The following NAV3 variants were observed in gnomAD, a reference collection of about 807,000 sequenced individuals.
NAV3 encodes the protein neuron navigator 3.
A neutral mutation model predicts 244.7 loss-of-function variants in NAV3; 87 were observed. The ratio of observed to expected loss-of-function variants is 0.36; its 90% CI spans 0.30 to 0.42. The LOEUF (loss-of-function observed/expected upper bound fraction) is 0.42, where lower values mean the gene tolerates loss of function less well. NAV3 is among the 20% of genes least tolerant of loss of function. The pLI is 1.00. For synonymous variants in NAV3, 1,126 were observed against 1,042.2 expected (o/e 1.08, Z -1.55); for missense variants, 2,663 against 2,893.3 (o/e 0.92, Z 1.83).
At chr12:77,976,073 C>T (rs1254303236) in intron 5 of NAV3, among the ~76,000 whole-genome samples, 1 of 151,970 alleles carries the variant, frequency 6.6e-6, no homozygotes, top group Admixed American at 6.6e-5. Flanking sequence ...TGAGACTGTA[C>T]GTTATCGATA....
At chr12:78,160,407 G>GCA (rs1565740430) in intron 23 of NAV3, among the ~76,000 whole-genome samples, 9 of 25,480 alleles carry the variant, frequency 3.5e-4, no homozygotes, top group Admixed American at 1.8e-3. Flanking sequence ...GTGCGTGCGT[G>GCA]TGTGTGTGTG....
chr12:77,750,995 C>A (rs1276675942), intron 2 of NAV3, among the ~76,000 whole-genome samples: 2 of 152,172 alleles, frequency 1.3e-5, no homozygotes, highest in African/African-American at 4.8e-5. Context: ...TCACAACTAA[C>A]TGTGAGAATT....
chr12:78,109,687 A>G (rs1954987946), intron 12 of NAV3, among the ~76,000 whole-genome samples: 1 of 152,066 alleles, frequency 6.6e-6, no homozygotes, highest in South Asian at 2.1e-4. Context: ...AGAATATAAG[A>G]CAAATGAATA....
At chr12:78,164,279 A>C (rs969063206) in intron 23 of NAV3, among the ~76,000 whole-genome samples, 1 of 152,082 alleles carries the variant, frequency 6.6e-6, no homozygotes, top group Non-Finnish European at 1.5e-5. Context: ...AGGGCAGAGA[A>C]GTAGCCCCTT....
At chr12:78,103,120 C>T (rs1269406161) in intron 12 of NAV3, among the ~76,000 whole-genome samples, 6 of 152,156 alleles carry the variant, frequency 3.9e-5, no homozygotes, top group Admixed American at 3.3e-4. Flanking sequence ...ATTTTCTGAA[C>T]TTTTATGCTG....
At chr12:78,019,289 C>A (rs943868882) in intron 8 of NAV3, among the ~76,000 whole-genome samples, 2 of 151,958 alleles carry the variant, frequency 1.3e-5, no homozygotes, top group African/African-American at 4.8e-5. Context: ...TATGTTTTAC[C>A]CACCAATAAT....
In NAV3 at chr12:77,695,368, G is replaced by A. The variant is rs113715100; in HGVS notation, c.72+123102G>A. ...GGTCTAGTTTCATTCTTCTGCATACGAATATCCAGTTTTTCCAGCACCATT... is the reference window on the plus strand; with the variant it reads ...GGTCTAGTTTCATTCTTCTGCATACAAATATCCAGTTTTTCCAGCACCATT... On this transcript the variant is annotated intron_variant, in intron 2 of 8. Coordinates refer to the NAV3 transcript ENST00000550042. 2.6e-5 allele frequency among the ~76,000 whole-genome samples: 4 copies of A among 152,068 alleles called. 1 individual carries two copies. The East Asian group carries it at 5.8e-4, about 22-fold the overall frequency.
At chr12:78,038,974 G>C (rs979025961) in intron 9 of NAV3, among the ~76,000 whole-genome samples, 35 of 151,908 alleles carry the variant, frequency 2.3e-4, no homozygotes, top group African/African-American at 8.0e-4. Context: ...TTGGTCAGAG[G>C]GTAACCTCTC....
chr12:77,909,623 G>A (rs541114746), intron 1 of NAV3, among the ~76,000 whole-genome samples: 1 of 152,106 alleles, frequency 6.6e-6, no homozygotes, highest in East Asian at 1.9e-4. Flanking sequence ...ACTGGATGAA[G>A]TTCAGCCACC....
At chr12:77,778,528 C>A (rs1050100337) in intron 2 of NAV3, among the ~76,000 whole-genome samples, 1 of 149,094 alleles carries the variant, frequency 6.7e-6, no homozygotes, top group Non-Finnish European at 1.5e-5. Flanking sequence ...AGGAGAATGG[C>A]GTGAACTCAG....
At chr12:77,880,062 T>C (rs1882429084) in intron 1 of NAV3, among the ~76,000 whole-genome samples, 1 of 152,168 alleles carries the variant, frequency 6.6e-6, no homozygotes. Flanking sequence ...GTTTAATAAT[T>C]GGCAGTAGTG....
chr12:77,887,360 GA>G (rs1883415524), intron 1 of NAV3, among the ~76,000 whole-genome samples: 1 of 152,070 alleles, frequency 6.6e-6, no homozygotes, highest in Non-Finnish European at 1.5e-5. Flanking sequence ...TGGGAACTTA[GA>G]ATTTTCAAGG....
At chr12:77,865,470 A>G (rs1040374873) in intron 1 of NAV3, among the ~76,000 whole-genome samples, 3 of 152,028 alleles carry the variant, frequency 2.0e-5, no homozygotes, top group Non-Finnish European at 4.4e-5. Flanking sequence ...GTTCTTTTAA[A>G]CTATAGCTGT....
intron 22 of NAV3, among the ~76,000 whole-genome samples, chr12:78,150,733 C>T (rs774710586): frequency 6.0e-5 from 9 of 150,974 alleles, no homozygotes; most frequent in Non-Finnish European, 8.9e-5. Flanking sequence ...GAACTCTGTG[C>T]TGCTGTTTGA....
At chr12:77,912,905 T>C (rs1022740575) in intron 1 of NAV3, among the ~76,000 whole-genome samples, 1 of 152,126 alleles carries the variant, frequency 6.6e-6, no homozygotes. Flanking sequence ...AGCCATGCCG[T>C]TTTACATGCA....
At chr12:77,758,486 G>A (rs1196604583) in intron 2 of NAV3, among the ~76,000 whole-genome samples, 2 of 152,096 alleles carry the variant, frequency 1.3e-5, no homozygotes, top group Admixed American at 6.6e-5. Context: ...AAGCACAGGG[G>A]CCCCATATCT....
At chr12:77,784,639 A>G (rs748074866) in intron 2 of NAV3, among the ~76,000 whole-genome samples, 14 of 152,186 alleles carry the variant, frequency 9.2e-5, no homozygotes, top group African/African-American at 2.2e-4. Context: ...ATTCTGAATA[A>G]CAGCACATCA....
intron 18 of NAV3, 46 bp downstream of exon 18, chr12:78,128,912 C>T (rs2138858263): frequency 6.4e-7 from 1 of 1,562,930 alleles, no homozygotes; most frequent in Non-Finnish European, 8.7e-7. Flanking sequence ...CTTTCACCAC[C>T]CACTCTCACA....
intron 1 of NAV3, among the ~76,000 whole-genome samples, chr12:77,908,557 C>T (rs922442994): frequency 3.9e-5 from 6 of 151,952 alleles, no homozygotes; most frequent in African/African-American, 7.2e-5. Context: ...CTTCCAGTGT[C>T]TAGTTTTTTA....
Sources: allele counts gnomAD v4.1 joint callset (sites outside exome capture counted in the v4.1 genomes callset), GRCh38; gene constraint gnomAD v4.1.1; transcripts MANE v1.5; gene names NCBI Gene and HGNC (gene_info 2026-07-23, HGNC 2026-07-21).